The following SNX29 variants were observed in gnomAD, a reference collection of about 807,000 sequenced individuals.
SNX29 encodes sorting nexin 29, also known as sorting nexin-29.
SNX29 carries 78 observed loss-of-function variants against 102.1 expected under a neutral mutation model. The ratio of observed to expected loss-of-function variants is 0.76; its 90% CI spans 0.64 to 0.92. The LOEUF (loss-of-function observed/expected upper bound fraction) is 0.92. Ranked by LOEUF, SNX29 falls within the 40% of genes least tolerant of loss-of-function variation. SNX29 has a pLI of 0.00. For synonymous variants in SNX29, 580 were observed against 414.5 expected (o/e 1.40, Z -4.85); for missense variants, 1,280 against 1,061.7 (o/e 1.21, Z -2.86).
At chr16:12,477,883 C>A (rs1233127710) in intron 19 of SNX29, 24 bp downstream of exon 19, 1 of 1,559,544 alleles carries the variant, frequency 6.4e-7, no homozygotes, top group Non-Finnish European at 8.6e-7. Context: ...CTGGGAAGCC[C>A]ACTTGTCACT....
intron 14 of SNX29, among the ~76,000 whole-genome samples, chr16:12,260,263 G>GGT (rs2078695308): frequency 6.6e-6 from 1 of 152,188 alleles, no homozygotes; most frequent in Non-Finnish European, 1.5e-5. Context: ...CCTTGTTCCA[G>GGT]CCTTGACATT....
chr16:12,035,620 C>T (rs2057452530), intron 4 of SNX29, among the ~76,000 whole-genome samples: 1 of 152,308 alleles, frequency 6.6e-6, no homozygotes, highest in African/African-American at 2.4e-5. Context: ...AGTTCTCAGG[C>T]TGGCACATGA....
chr16:12,218,463 T>A (rs1274764580), intron 14 of SNX29, among the ~76,000 whole-genome samples: 1 of 152,240 alleles, frequency 6.6e-6, no homozygotes, highest in Non-Finnish European at 1.5e-5. Context: ...CCATATTCAT[T>A]CATTATTTCC....
At chr16:12,291,595 C>T (rs1489433845) in intron 15 of SNX29, among the ~76,000 whole-genome samples, 1 of 152,190 alleles carries the variant, frequency 6.6e-6, no homozygotes, top group Non-Finnish European at 1.5e-5. Context: ...GTTTTTCTTC[C>T]AGGTTCACAT....
At position 12,563,654 on chromosome 16, in the gene SNX29, C is replaced by G. The variant is rs572122151; in HGVS notation, c.2319-4852C>G. ...TGGCCCCAGAAGGTAGGAACTGAGT[C>G]TTTTCAATTCCCCGAGAGCCCATGA... On this transcript the variant is annotated intron_variant, in intron 20 of 20. Transcript: ENST00000566228. Among the ~76,000 whole-genome samples, 98 of 152,290 alleles carry G rather than the reference C, an allele frequency of 6.4e-4. 1 individual carries two copies. The highest frequency in any genetic ancestry group is 2.2e-3 in the African/African-American group (90 of 41,560).
chr16:12,348,099 T>C (rs1042958829), intron 15 of SNX29, among the ~76,000 whole-genome samples: 13 of 151,810 alleles, frequency 8.6e-5, no homozygotes, highest in Non-Finnish European at 2.9e-5. Flanking sequence ...ATTAAAAAAA[T>C]AGGGTACCAG....
chr16:12,565,650 G>A (rs992073505), intron 20 of SNX29, among the ~76,000 whole-genome samples: 12 of 152,194 alleles, frequency 7.9e-5, no homozygotes, highest in African/African-American at 1.9e-4. Context: ...ATATAGCCTC[G>A]TGACAGCTCA....
chr16:12,188,289 T>C (rs2076562262), intron 13 of SNX29, among the ~76,000 whole-genome samples: 1 of 152,236 alleles, frequency 6.6e-6, no homozygotes. Context: ...CATCCCATTT[T>C]ATAAATGCTA....
At chr16:12,271,210 C>G (rs186421857) in intron 14 of SNX29, among the ~76,000 whole-genome samples, 1 of 152,358 alleles carries the variant, frequency 6.6e-6, no homozygotes, top group Non-Finnish European at 1.5e-5. Flanking sequence ...TGTGGCTTAG[C>G]CACATGCCTG....
chr16:12,269,210 A>C (rs936482696), intron 14 of SNX29, among the ~76,000 whole-genome samples: 1 of 152,194 alleles, frequency 6.6e-6, no homozygotes, highest in African/African-American at 2.4e-5. Context: ...ACACAGGAGA[A>C]AGTTGCTGAC....
intron 11 of SNX29, among the ~76,000 whole-genome samples, chr16:12,102,166 T>C (rs1308282090): frequency 6.6e-6 from 1 of 152,220 alleles, no homozygotes; most frequent in Non-Finnish European, 1.5e-5. Flanking sequence ...CAGTCTATCA[T>C]TGATGGGCAT....
intron 18 of SNX29, among the ~76,000 whole-genome samples, chr16:12,425,026 G>A (rs1300531315): frequency 1.3e-5 from 2 of 152,236 alleles, no homozygotes; most frequent in African/African-American, 2.4e-5. Flanking sequence ...GTAACTACAG[G>A]CAACAGTATG....
intron 13 of SNX29, among the ~76,000 whole-genome samples, chr16:12,177,640 A>G (rs1036800334): frequency 6.6e-6 from 1 of 152,222 alleles, no homozygotes; most frequent in Non-Finnish European, 1.5e-5. Context: ...TGGGATTTAC[A>G]TCTCTTACAA....
intron 19 of SNX29, among the ~76,000 whole-genome samples, chr16:12,481,746 G>A (rs921345215): frequency 5.9e-5 from 9 of 152,160 alleles, no homozygotes; most frequent in Admixed American, 3.9e-4. Flanking sequence ...TGTTGGCCAG[G>A]CTGTTCTCAA....
intron 20 of SNX29, among the ~76,000 whole-genome samples, chr16:12,563,547 C>T (rs142324616): frequency 7.2e-5 from 11 of 152,210 alleles, no homozygotes; most frequent in Non-Finnish European, 1.6e-4. Context: ...CCCACCACTA[C>T]CTGAGGGGTC....
chr16:12,083,441 C>T (rs112370255), intron 11 of SNX29, among the ~76,000 whole-genome samples: 1,873 of 152,202 alleles, frequency 0.012, 21 homozygotes, highest in South Asian at 0.054. Flanking sequence ...TCTCTCTGTC[C>T]TTATGTGGCC....
chr16:12,495,553 A>G (rs1028413992), intron 19 of SNX29, among the ~76,000 whole-genome samples: 3 of 152,102 alleles, frequency 2.0e-5, no homozygotes, highest in Non-Finnish European at 4.4e-5. Context: ...TTTTTGTTTT[A>G]TAGCATTAGC....
At chr16:12,050,354 G>A (rs2050250912) in intron 7 of SNX29, among the ~76,000 whole-genome samples, 1 of 152,250 alleles carries the variant, frequency 6.6e-6, no homozygotes, top group Admixed American at 6.5e-5. Context: ...TGGTCACTAA[G>A]GCAAGCTTGA....
chr16:12,288,119 T>C (rs942347344), intron 15 of SNX29, among the ~76,000 whole-genome samples: 3 of 152,042 alleles, frequency 2.0e-5, no homozygotes, highest in Non-Finnish European at 4.4e-5. Flanking sequence ...GTCCAGAAGG[T>C]CAAGGCTGCA....
Sources: gnomAD v4.1 joint callset for allele counts (sites outside exome capture counted in the v4.1 genomes callset) on GRCh38, gnomAD v4.1.1 for gene constraint, MANE v1.5 for transcripts, NCBI Gene and HGNC (gene_info 2026-07-23, HGNC 2026-07-21) for gene names.